The following HSPA12A variants were observed in gnomAD, a reference collection of about 807,000 sequenced individuals.
HSPA12A encodes the protein heat shock protein family A (Hsp70) member 12A.
Under a neutral mutation model 69.2 loss-of-function variants are expected in HSPA12A, and 28 were observed. The observed-to-expected ratio is 0.40, with a 90% CI of 0.30 to 0.55. HSPA12A has a LOEUF of 0.55. Ranked by LOEUF, HSPA12A falls within the 20% of genes least tolerant of loss-of-function variation. The probability of loss-of-function intolerance (pLI) is 0.38; values close to 1 mark genes in which losing one functional copy is unlikely to be tolerated. For missense variants in HSPA12A, 686 were observed against 900.7 expected (o/e 0.76, Z 3.05); for synonymous variants, 345 against 370.5 (o/e 0.93, Z 0.79).
chr10:116,711,845 A>T (rs56369251), intron 1 of HSPA12A, among the ~76,000 whole-genome samples: 11,429 of 144,926 alleles, frequency 0.079, 1,442 homozygotes, highest in African/African-American at 0.27. Context: ...TTTTTTTTTT[A>T]AATTTTTAAA....
chr10:116,725,735 T>C (rs1475380078), intron 1 of HSPA12A, among the ~76,000 whole-genome samples: 6 of 152,098 alleles, frequency 3.9e-5, no homozygotes, highest in African/African-American at 1.4e-4. Context: ...GATATCCCAC[T>C]GCCAGGGTGA....
intron 10 of HSPA12A, 119 bp downstream of exon 10, chr10:116,679,384 C>A (rs1321685885): frequency 8.0e-7 from 1 of 1,257,390 alleles, no homozygotes. Flanking sequence ...GTCCCTTGCC[C>A]AAGGTCATAC....
intron 2 of HSPA12A, among the ~76,000 whole-genome samples, chr10:116,807,040 G>A (rs1681745): frequency 0.98 from 148,903 of 152,286 alleles, 72,882 homozygotes; most frequent in East Asian, 1. Context: ...TGATGCAGAC[G>A]TCAGCCAAGG....
intron 5 of HSPA12A, among the ~76,000 whole-genome samples, chr10:116,695,268 C>T (rs1014853404): frequency 4.6e-5 from 7 of 152,078 alleles, no homozygotes; most frequent in African/African-American, 1.4e-4. Context: ...AATGTGTCCC[C>T]GAAAACTCAT....
At chr10:116,784,706 T>G (rs1844538968) in intron 2 of HSPA12A, among the ~76,000 whole-genome samples, 1 of 152,230 alleles carries the variant, frequency 6.6e-6, no homozygotes, top group Non-Finnish European at 1.5e-5. Context: ...GTTGGGGACT[T>G]GTGCTTCCGG....
At chr10:116,749,353 A>G (rs1851722205) in intron 2 of HSPA12A, among the ~76,000 whole-genome samples, 1 of 152,106 alleles carries the variant, frequency 6.6e-6, no homozygotes, top group South Asian at 2.1e-4. Context: ...CCTCACATCC[A>G]TTGCCCCATT....
chr10:116,836,279 A>G (rs545422813), intron 1 of HSPA12A, among the ~76,000 whole-genome samples: 12 of 152,160 alleles, frequency 7.9e-5, no homozygotes, highest in Admixed American at 5.2e-4. Flanking sequence ...TGTGGCCACA[A>G]TGGGCTGCTA....
In HSPA12A at chr10:116,698,633, A is replaced by G; in HGVS notation, c.546+2T>C. 1.2e-6 allele frequency: 2 copies of G among 1,610,680 alleles called. No individual in the cohort carries two copies. The highest frequency in any genetic ancestry group is 1.7e-6 in the Non-Finnish European group (2 of 1,177,276). ...CTGGCTGGCCTCAACTATCAGTCCT[A>G]CCTTCAGCGCCTGCTCCTTAAAGTA... is the stretch of plus-strand genomic sequence containing the variant. On this transcript the variant is annotated splice_donor_variant, in intron 5 of 11. Transcript: ENST00000369209. LOFTEE classifies it high-confidence loss of function.
intron 1 of HSPA12A, among the ~76,000 whole-genome samples, chr10:116,847,461 G>A (rs1426057970): frequency 1.3e-5 from 2 of 152,122 alleles, no homozygotes; most frequent in Admixed American, 1.3e-4. Flanking sequence ...TCAGAAATTT[G>A]TGGTTGCTTC....
At chr10:116,707,004 G>A (rs782411056) in intron 2 of HSPA12A, among the ~76,000 whole-genome samples, 196 bp downstream of exon 2, 43 of 152,306 alleles carry the variant, frequency 2.8e-4, no homozygotes, top group Admixed American at 5.9e-4. Flanking sequence ...GTGGGGGAAG[G>A]GGCTTGGCAG....
At position 116,672,425 on chromosome 10, in the gene HSPA12A, G is replaced by A; in HGVS notation, c.*2356C>T. On this transcript the variant is annotated 3_prime_UTR_variant, in exon 12 of 12. Transcript: ENST00000369209. The stretch of plus-strand genomic sequence containing the variant: ...ATGGAATCTGTGACTGTTTGGGAAG[G>A]ATGTGCATGGAGAAGGGTCTGATGA... 6.6e-6 allele frequency: 1 copy of A among 152,216 alleles called. No homozygotes were observed. The highest frequency in any genetic ancestry group is 1.9e-4 in the East Asian group (1 of 5,194). The allele number at this position is 152,216 out of a possible 1,614,324, so 9.4% of individuals were successfully genotyped here. A position where few individuals can be genotyped will look rare whatever the true frequency, so the allele number is the denominator to read the frequency against.
chr10:116,683,534 A>G, intron 7 of HSPA12A: 1 of 348,348 alleles, frequency 2.9e-6, no homozygotes, highest in Non-Finnish European at 5.2e-6. Flanking sequence ...GGCTACCCTC[A>G]GATTCTTAGA....
At position 116,742,418 on chromosome 10, in the gene HSPA12A, G is replaced by C. The variant is rs1168276636; in HGVS notation, c.40+12C>G. The C allele has an allele frequency of 2.1e-6, 3 of 1,434,922 alleles. No homozygotes were observed. Among genetic ancestry groups the C allele is most frequent in the Non-Finnish European group, 2.7e-6 (3 of 1,096,092 alleles). 88.9% of individuals were successfully genotyped at this position (1,434,922 alleles called of 1,614,324 possible). ...GCCAGCCGCGGCCGCAGGACCCGCAGCCTGCGCTCACCTCGGGGCCCGTCG... is the reference window on the plus strand; with the variant it reads ...GCCAGCCGCGGCCGCAGGACCCGCACCCTGCGCTCACCTCGGGGCCCGTCG... On this transcript the variant is annotated intron_variant, in intron 1 of 11. Transcript: ENST00000369209.
intron 2 of HSPA12A, among the ~76,000 whole-genome samples, chr10:116,807,219 G>A (rs1034685282): frequency 6.6e-6 from 1 of 152,024 alleles, no homozygotes; most frequent in South Asian, 2.1e-4. Flanking sequence ...GGCCTAGAGG[G>A]AGGGAGGAGA....
intron 7 of HSPA12A, chr10:116,683,582 A>T: frequency 2.5e-6 from 1 of 405,316 alleles, no homozygotes; most frequent in Non-Finnish European, 4.3e-6. Flanking sequence ...GTGGGTGATG[A>T]ACCAGGGTAA....
chr10:116,683,964 TG>T lies in HSPA12A; in HGVS notation c.664-3del. 3 of 1,562,712 alleles carry T rather than the reference TG, an allele frequency of 1.9e-6. No individual in the cohort carries two copies. The highest frequency in any genetic ancestry group is 2.6e-6 in the Non-Finnish European group (3 of 1,146,330). ...GTTCTCGGGGGAGGCCAGGCCTGCC[TG>T]GAAGACAGAAACAGAGGCTGGGACC... On this transcript the variant is annotated splice_region_variant and splice_polypyrimidine_tract_variant and intron_variant, in intron 6 of 11. Transcript: ENST00000369209.
chr10:116,729,344 G>A lies in HSPA12A; in HGVS notation c.40+13086C>T, dbSNP rs948274594. 3.9e-5 allele frequency among the ~76,000 whole-genome samples: 6 copies of A among 152,146 alleles called. No individual in the cohort carries two copies. The East Asian group carries it at 5.8e-4, about 15-fold the overall frequency. ...CCAGGCCTTGAGATCCCCCACCATC[G>A]GAGGTGGGGCTTTCTGCAAACCAGA... On this transcript the variant is annotated intron_variant, in intron 1 of 11. Coordinates refer to ENST00000369209, the MANE Select transcript of HSPA12A (RefSeq NM_025015.3).
At chr10:116,721,593 G>A (rs868917406) in intron 1 of HSPA12A, among the ~76,000 whole-genome samples, 2 of 152,026 alleles carry the variant, frequency 1.3e-5, no homozygotes, top group African/African-American at 4.8e-5. Flanking sequence ...AAAACAAAAC[G>A]AAAACCCGGG....
At chr10:116,695,115 G>A (rs1434013728) in intron 5 of HSPA12A, among the ~76,000 whole-genome samples, 1 of 151,990 alleles carries the variant, frequency 6.6e-6, no homozygotes, top group Non-Finnish European at 1.5e-5. Context: ...CTCCCCAAAT[G>A]ACCCTGTGGC....
Sources: gnomAD v4.1 joint callset for allele counts (sites outside exome capture counted in the v4.1 genomes callset) on GRCh38, gnomAD v4.1.1 for gene constraint, MANE v1.5 for transcripts, NCBI Gene and HGNC (gene_info 2026-07-23, HGNC 2026-07-21) for gene names.